CCDC7: variants seen among roughly 807,000 people sequenced by gnomAD.
CCDC7 encodes coiled-coil domain-containing protein 7.
CCDC7 carries 183 observed loss-of-function variants against 196.9 expected under a neutral mutation model. The observed-to-expected ratio is 0.93, with a 90% confidence interval of 0.82 to 1.05. CCDC7 has a LOEUF of 1.05. Among genes scored for constraint, CCDC7 ranks in the 50% least tolerant of loss-of-function variants. The pLI, the probability that CCDC7 is intolerant of heterozygous loss-of-function variation, is 0.00. For missense variants in CCDC7, 1,540 were observed against 1,482.2 expected (o/e 1.04, Z -0.64); for synonymous variants, 525 against 484.6 (o/e 1.08, Z -1.10).
chr10:32,698,363 A>G (rs551570740), intron 24 of CCDC7, among the ~76,000 whole-genome samples: 13 of 152,336 alleles, frequency 8.5e-5, no homozygotes, highest in Admixed American at 1.3e-4. Context: ...TGACGAGTTG[A>G]GAGAAGTAGA....
In CCDC7 at chr10:32,468,820, C is replaced by A. The variant is rs149632602; in HGVS notation, c.511-2244C>A. ...CTTATGCACACTAACATTTGAGAAT[C>A]TTGTGATAATCTTTTTACTGCTGAC... On this transcript the variant is annotated intron_variant, in intron 5 of 41. Coordinates refer to ENST00000639629, the Ensembl canonical transcript of CCDC7. Among the ~76,000 whole-genome samples, 3 of 152,266 alleles carry A rather than the reference C, an allele frequency of 2.0e-5. No individual in the cohort carries two copies. The East Asian group carries it at 5.8e-4, about 29-fold the overall frequency.
At chr10:32,470,930 A>G in intron 5 of CCDC7, 134 bp from the exon 7 acceptor site, 1 of 773,742 alleles carries the variant, frequency 1.3e-6, no homozygotes, top group Non-Finnish European at 1.9e-6. Flanking sequence ...ATATTGTATC[A>G]TTACTTGGCT....
intron 17 of CCDC7, among the ~76,000 whole-genome samples, chr10:32,583,576 T>G (rs970851582): frequency 5.9e-5 from 9 of 152,076 alleles, no homozygotes; most frequent in Admixed American, 2.6e-4. Flanking sequence ...ATAAAAGATA[T>G]GTCATTCTGA....
intron 25 of CCDC7, chr10:32,725,344 T>C (rs1016617687): frequency 2.5e-5 from 12 of 470,994 alleles, no homozygotes; most frequent in Admixed American, 2.3e-4. Flanking sequence ...TCATGATTTC[T>C]TTGCAGTCTG....
intron 41 of CCDC7, among the ~76,000 whole-genome samples, chr10:32,868,837 C>T (rs1272786705): frequency 4.0e-5 from 6 of 150,592 alleles, no homozygotes; most frequent in South Asian, 2.1e-4. Context: ...TTTGTCCTTC[C>T]GATACTTTGC....
intron 22 of CCDC7, among the ~76,000 whole-genome samples, chr10:32,687,207 G>T (rs2076557472): frequency 6.6e-6 from 1 of 152,160 alleles, no homozygotes; most frequent in South Asian, 2.1e-4. Context: ...TTATTGCATG[G>T]AGAAATAGTC....
intron 28 of CCDC7, among the ~76,000 whole-genome samples, chr10:32,733,529 G>T (rs1485526390): frequency 6.6e-6 from 1 of 152,050 alleles, no homozygotes; most frequent in Non-Finnish European, 1.5e-5. Flanking sequence ...TATCATTGAT[G>T]TATTTTTAAT....
intron 11 of CCDC7, among the ~76,000 whole-genome samples, chr10:32,538,163 C>A (rs1371830630): frequency 6.6e-6 from 1 of 152,038 alleles, no homozygotes; most frequent in African/African-American, 2.4e-5. Context: ...CATCTGATTT[C>A]TTTGAGCAGT....
At chr10:32,711,282 A>T (rs767963824) in intron 24 of CCDC7, among the ~76,000 whole-genome samples, 1 of 152,038 alleles carries the variant, frequency 6.6e-6, no homozygotes, top group African/African-American at 2.4e-5. Context: ...ATACTTTGCA[A>T]TTACAAATAA....
chr10:32,736,349 A>G (rs2084864001), intron 28 of CCDC7, among the ~76,000 whole-genome samples: 1 of 152,062 alleles, frequency 6.6e-6, no homozygotes, highest in African/African-American at 2.4e-5. Context: ...CCTTAATCAG[A>G]GTATTTTAGT....
chr10:32,730,953 A>G (rs1000235331), intron 28 of CCDC7, among the ~76,000 whole-genome samples: 1 of 152,130 alleles, frequency 6.6e-6, no homozygotes, highest in African/African-American at 2.4e-5. Context: ...AATGTTACAG[A>G]CATCCACTGA....
At chr10:32,817,305 C>T (rs910526358) in intron 31 of CCDC7, among the ~76,000 whole-genome samples, 2 of 152,050 alleles carry the variant, frequency 1.3e-5, no homozygotes, top group Admixed American at 6.6e-5. Context: ...TAAAAAGAAA[C>T]AAACAAAGCC....
intron 18 of CCDC7, among the ~76,000 whole-genome samples, chr10:32,630,349 T>C (rs551356403): frequency 3.3e-5 from 5 of 151,876 alleles, no homozygotes; most frequent in African/African-American, 9.6e-5. Flanking sequence ...TATATATGCA[T>C]ATATATGTAT....
chr10:32,646,756 A>T (rs1389308202), intron 20 of CCDC7, among the ~76,000 whole-genome samples: 1 of 152,168 alleles, frequency 6.6e-6, no homozygotes, highest in African/African-American at 2.4e-5. Flanking sequence ...CTAGTAGGCC[A>T]CAGTGCCTAT....
intron 8 of CCDC7, among the ~76,000 whole-genome samples, chr10:32,488,650 T>A (rs751275878): frequency 2.0e-5 from 3 of 152,256 alleles, no homozygotes; most frequent in Admixed American, 1.3e-4. Context: ...TCAGAATTTC[T>A]GTATGGTTCT....
intron 31 of CCDC7, among the ~76,000 whole-genome samples, chr10:32,820,119 C>T (rs746282868): frequency 4.6e-5 from 7 of 152,208 alleles, no homozygotes; most frequent in Non-Finnish European, 8.8e-5. Context: ...TCAGCAAAGT[C>T]TCCAGATACA....
At chr10:32,720,405 C>T (rs1208408152) in intron 25 of CCDC7, among the ~76,000 whole-genome samples, 3 of 151,680 alleles carry the variant, frequency 2.0e-5, no homozygotes, top group Non-Finnish European at 4.4e-5. Flanking sequence ...TGGAACATCA[C>T]ACACTGGGGC....
At chr10:32,782,767 A>T (rs1215212079) in intron 29 of CCDC7, among the ~76,000 whole-genome samples, 1 of 152,234 alleles carries the variant, frequency 6.6e-6, no homozygotes, top group Non-Finnish European at 1.5e-5. Flanking sequence ...AAGCTACAGT[A>T]ATCAAAAGAG....
chr10:32,464,910 C>T (rs1232653281), intron 5 of CCDC7, among the ~76,000 whole-genome samples: 1 of 152,124 alleles, frequency 6.6e-6, no homozygotes, highest in East Asian at 1.9e-4. Flanking sequence ...GCTCTTCTAT[C>T]TCTTATTTGA....
Sources: gnomAD v4.1 joint callset for allele counts (sites outside exome capture counted in the v4.1 genomes callset) on GRCh38, gnomAD v4.1.1 for gene constraint, MANE v1.5 for transcripts, NCBI Gene and HGNC (gene_info 2026-07-23, HGNC 2026-07-21) for gene names.